The following MACROD2 variants were observed in gnomAD, a reference collection of about 807,000 sequenced individuals.
MACROD2 encodes the protein ADP-ribose glycohydrolase MACROD2.
A neutral mutation model predicts 70.4 loss-of-function variants in MACROD2; 36 were observed. The ratio of observed to expected loss-of-function variants is 0.51; its 90% CI spans 0.39 to 0.68. The LOEUF (loss-of-function observed/expected upper bound fraction) is 0.68, where lower values mean the gene tolerates loss of function less well. Ranked by LOEUF, MACROD2 falls within the 30% of genes least tolerant of loss-of-function variation. The probability of loss-of-function intolerance (pLI) is 0.00; values close to 1 mark genes in which losing one functional copy is unlikely to be tolerated. For synonymous variants in MACROD2, 172 were observed against 178.8 expected (o/e 0.96, Z 0.30); for missense variants, 496 against 538.4 (o/e 0.92, Z 0.78).
intron 5 of MACROD2, among the ~76,000 whole-genome samples, chr20:15,221,911 C>T (rs1156626697): frequency 1.3e-5 from 2 of 152,268 alleles, no homozygotes; most frequent in Non-Finnish European, 2.9e-5. Flanking sequence ...ATTCTGTATG[C>T]CTCTATCAAC....
chr20:14,573,594 A>G (rs1389221645), intron 4 of MACROD2, among the ~76,000 whole-genome samples: 1 of 150,852 alleles, frequency 6.6e-6, no homozygotes, highest in Non-Finnish European at 1.5e-5. Context: ...TTTTTCAGAT[A>G]TACTTGTCAA....
chr20:15,873,591 G>A (rs914513198), intron 9 of MACROD2, among the ~76,000 whole-genome samples: 3 of 151,870 alleles, frequency 2.0e-5, no homozygotes, highest in Non-Finnish European at 4.4e-5. Context: ...TGTTGCAAGT[G>A]GTTTCCCAGT....
At chr20:14,839,338 A>T (rs565732890) in intron 5 of MACROD2, among the ~76,000 whole-genome samples, 70 of 152,264 alleles carry the variant, frequency 4.6e-4, no homozygotes, top group Non-Finnish European at 1.2e-4. Context: ...GAGAGATCGC[A>T]TGAAAGAATT....
At chr20:14,988,067 G>A (rs2074864834) in intron 5 of MACROD2, among the ~76,000 whole-genome samples, 1 of 151,770 alleles carries the variant, frequency 6.6e-6, no homozygotes, top group Non-Finnish European at 1.5e-5. Context: ...CTTTCTAAGA[G>A]TAAGGCTATA....
At chr20:14,454,942 C>T (rs946571031) in intron 3 of MACROD2, among the ~76,000 whole-genome samples, 29 of 151,800 alleles carry the variant, frequency 1.9e-4, no homozygotes, top group Non-Finnish European at 1.2e-4. Context: ...TTAGTAGAGA[C>T]GGGGTTTCAC....
intron 7 of MACROD2, 136 bp from the exon 8 acceptor site, chr20:15,499,638 C>T: frequency 1.4e-6 from 1 of 698,852 alleles, no homozygotes; most frequent in Non-Finnish European, 2.5e-6. Flanking sequence ...TATCCATGTA[C>T]ATCTTACTGA....
At chr20:14,318,891 C>A (rs1240180986) in intron 3 of MACROD2, among the ~76,000 whole-genome samples, 1 of 152,096 alleles carries the variant, frequency 6.6e-6, no homozygotes, top group Non-Finnish European at 1.5e-5. Context: ...TGGCATTTTT[C>A]TTAGCATTCT....
chr20:15,777,539 TTCCTTCCTTCC>T (rs2051746854), intron 8 of MACROD2, among the ~76,000 whole-genome samples: 3 of 84,956 alleles, frequency 3.5e-5, no homozygotes, highest in Non-Finnish European at 7.5e-5. Context: ...CCTTCCTTCC[TTCCTTCCTTCC>T]TTCCTTCCTT....
At chr20:15,721,871 G>A (rs1054513616) in intron 8 of MACROD2, among the ~76,000 whole-genome samples, 36 of 152,006 alleles carry the variant, frequency 2.4e-4, no homozygotes, top group Non-Finnish European at 3.2e-4. Context: ...CCCTGATTGC[G>A]TCACATTTTT....
intron 5 of MACROD2, among the ~76,000 whole-genome samples, chr20:14,973,142 C>A (rs1014034321): frequency 6.6e-6 from 1 of 151,586 alleles, no homozygotes; most frequent in South Asian, 2.1e-4. Flanking sequence ...TTTGGTCAAC[C>A]ATCTGAAGTT....
At chr20:14,330,270 C>T (rs967270884) in intron 3 of MACROD2, among the ~76,000 whole-genome samples, 3 of 151,888 alleles carry the variant, frequency 2.0e-5, no homozygotes, top group East Asian at 1.9e-4. Flanking sequence ...CAAATATGCA[C>T]GAAGATTTTT....
chr20:15,880,538 C>G (rs6131736), intron 9 of MACROD2, among the ~76,000 whole-genome samples: 26,957 of 151,518 alleles, frequency 0.18, 3,225 homozygotes, highest in East Asian at 0.52. Context: ...AGGTTAAGCT[C>G]TAAGCCAGTT....
chr20:14,736,458 A>C (rs2071665736), intron 5 of MACROD2, among the ~76,000 whole-genome samples: 1 of 152,196 alleles, frequency 6.6e-6, no homozygotes, highest in African/African-American at 2.4e-5. Context: ...TGTATACTTC[A>C]AAATGGCAAA....
At chr20:14,361,039 A>G (rs1601527464) in intron 3 of MACROD2, among the ~76,000 whole-genome samples, 1 of 152,166 alleles carries the variant, frequency 6.6e-6, no homozygotes, top group African/African-American at 2.4e-5. Flanking sequence ...AGAGTTTGGA[A>G]GTCGAATTGC....
chr20:15,490,717 G>A (rs1008479367), intron 7 of MACROD2, among the ~76,000 whole-genome samples: 1 of 152,190 alleles, frequency 6.6e-6, no homozygotes, highest in Admixed American at 6.5e-5. Flanking sequence ...GGGAGGCTAC[G>A]AAGGTCCCGA....
intron 5 of MACROD2, among the ~76,000 whole-genome samples, chr20:14,846,542 G>T (rs1375889575): frequency 2.6e-5 from 4 of 151,054 alleles, no homozygotes; most frequent in African/African-American, 4.9e-5. Context: ...TTTTGAGACG[G>T]AGTCTCCCTC....
intron 15 of MACROD2, among the ~76,000 whole-genome samples, chr20:15,998,829 G>A (rs1023450678): frequency 1.3e-5 from 2 of 151,962 alleles, no homozygotes; most frequent in African/African-American, 2.4e-5. Flanking sequence ...CTCCCAAAGT[G>A]CTGGGATTAC....
intron 3 of MACROD2, among the ~76,000 whole-genome samples, chr20:14,216,668 T>C (rs1466017845): frequency 2.0e-5 from 3 of 152,166 alleles, no homozygotes; most frequent in African/African-American, 7.2e-5. Flanking sequence ...GTTTGTGTCG[T>C]CTATGATTTC....
intron 3 of MACROD2, among the ~76,000 whole-genome samples, chr20:14,208,527 C>T (rs191621723): frequency 6.6e-6 from 1 of 152,294 alleles, no homozygotes; most frequent in East Asian, 1.9e-4. Flanking sequence ...CAGATTAAAG[C>T]TGCACTACTC....
Sources: gnomAD v4.1 joint callset for allele counts (sites outside exome capture counted in the v4.1 genomes callset) on GRCh38, gnomAD v4.1.1 for gene constraint, MANE v1.5 for transcripts, NCBI Gene and HGNC (gene_info 2026-07-23, HGNC 2026-07-21) for gene names.